GLRA1: variants seen among roughly 807,000 people sequenced by gnomAD.
GLRA1 encodes glycine receptor alpha 1, also known as glycine receptor subunit alpha-1.
A neutral mutation model predicts 48.3 loss-of-function variants in GLRA1; 37 were observed. The ratio of observed to expected loss-of-function variants is 0.77; its 90% confidence interval spans 0.59 to 1.01. The LOEUF (loss-of-function observed/expected upper bound fraction) is 1.01, where lower values mean the gene tolerates loss of function less well. Ranked by LOEUF, GLRA1 falls within the 50% of genes least tolerant of loss-of-function variation. The pLI is 0.00. For missense variants in GLRA1, 427 were observed against 571.0 expected (o/e 0.75, Z 2.57); for synonymous variants, 196 against 210.7 (o/e 0.93, Z 0.60).
Position 151,822,656 on chromosome 5 carries a change from C to T in GLRA1, c.*17G>A, listed in dbSNP as rs1279624692. 1.3e-5 allele frequency: 20 copies of T among 1,589,580 alleles called. No individual in the cohort carries two copies. The East Asian group carries it at 3.1e-4, about 25-fold the overall frequency. On this transcript the variant is annotated 3_prime_UTR_variant, in exon 9 of 9. Transcript: ENST00000274576. Reference sequence around the variant, plus strand: ...CCACGTTCCCCTCTCCCAGCCTCCCCCAACCTTTCAGACCCTTCACTGGTT... The same window carrying T: ...CCACGTTCCCCTCTCCCAGCCTCCCTCAACCTTTCAGACCCTTCACTGGTT...
At chr5:151,872,963 A>C (rs537079266) in intron 3 of GLRA1, among the ~76,000 whole-genome samples, 1 of 149,916 alleles carries the variant, frequency 6.7e-6, no homozygotes, top group Middle Eastern at 3.4e-3. Flanking sequence ...AAAGGGGACT[A>C]GTATGGTGTC....
At chr5:151,900,357 C>A (rs1427152713) in intron 1 of GLRA1, among the ~76,000 whole-genome samples, 2 of 152,210 alleles carry the variant, frequency 1.3e-5, no homozygotes, top group African/African-American at 4.8e-5. Flanking sequence ...TGTAGATGAT[C>A]AAATCTATTT....
chr5:151,863,613 T>C (rs1753258507), intron 3 of GLRA1, among the ~76,000 whole-genome samples: 1 of 152,130 alleles, frequency 6.6e-6, no homozygotes. Context: ...ATATCCTCAG[T>C]TCAAGTCCAA....
rs950004352 is a variant in GLRA1, at chr5:151,849,981, C to G, written c.912+1409G>C. ...ACAAGCTGGTGTTCTGTGAAGTTTT[C>G]GAGTACAACCGAAAGCCTGCAGTGA... On this transcript the variant is annotated intron_variant, in intron 7 of 8. Coordinates refer to ENST00000274576, the MANE Select transcript of GLRA1 (RefSeq NM_000171.4). 5.0e-5 allele frequency: 80 copies of G among 1,596,176 alleles called. No individual in the cohort carries two copies. In the East Asian group the frequency reaches 8.5e-4, roughly 17 times the overall value.
At chr5:151,922,957 G>C (rs1211311236) in intron 1 of GLRA1, among the ~76,000 whole-genome samples, 1 of 152,166 alleles carries the variant, frequency 6.6e-6, no homozygotes, top group Non-Finnish European at 1.5e-5. Flanking sequence ...TACATTTGTA[G>C]TTCTATTAAA....
At chr5:151,840,498 C>T (rs188353494) in intron 7 of GLRA1, among the ~76,000 whole-genome samples, 68 of 152,080 alleles carry the variant, frequency 4.5e-4, no homozygotes, top group African/African-American at 1.4e-3. Flanking sequence ...GTAAATTATA[C>T]GAAATCGCAT....
At chr5:151,835,046 AAAAAG>A (rs1314573813) in intron 7 of GLRA1, among the ~76,000 whole-genome samples, 14 of 150,894 alleles carry the variant, frequency 9.3e-5, no homozygotes, top group East Asian at 1.9e-4. Context: ...AAAAAAAAAA[AAAAAG>A]AGAAGAATGA....
chr5:151,910,900 G>C (rs10068443), intron 1 of GLRA1, among the ~76,000 whole-genome samples: 1 of 152,190 alleles, frequency 6.6e-6, no homozygotes, highest in Non-Finnish European at 1.5e-5. Flanking sequence ...AGAAGTTAAG[G>C]TGTGTTAGAG....
At chr5:151,863,836 A>C (rs1003998307) in intron 3 of GLRA1, among the ~76,000 whole-genome samples, 4 of 152,176 alleles carry the variant, frequency 2.6e-5, no homozygotes, top group Admixed American at 2.6e-4. Context: ...CCTACAGCTC[A>C]TGCCTCAGTC....
In GLRA1 at chr5:151,923,713, T is replaced by C. The variant is rs143693160; in HGVS notation, c.56+781A>G. Among the ~76,000 whole-genome samples the C allele has an allele frequency of 5.3e-3, 812 of 152,280 alleles. 6 individuals carry two copies. Among genetic ancestry groups the C allele is most frequent in the South Asian group, 0.029 (139 of 4,820 alleles). On this transcript the variant is annotated intron_variant, in intron 1 of 8. Coordinates refer to ENST00000274576, the MANE Select transcript of GLRA1 (RefSeq NM_000171.4). ...GACAGTGGATGGGATAACTCAGCTG[T>C]TGAGTCAAATATAAGCATAAATTTA...
intron 8 of GLRA1, among the ~76,000 whole-genome samples, chr5:151,825,880 CT>C (rs1763257634): frequency 6.6e-6 from 1 of 152,158 alleles, no homozygotes; most frequent in African/African-American, 2.4e-5. Flanking sequence ...TGCAAACTTC[CT>C]GTTAAAGAGA....
At position 151,848,969 on chromosome 5, in the gene GLRA1, A is replaced by G. The variant is rs1752759054; in HGVS notation, c.912+2421T>C. ...GTCTCAGGGTGAGAAAGTCCAGGCC[A>G]TGTATGTCTGGATCGATGGTACTGG... is the stretch of plus-strand genomic sequence containing the variant. On this transcript the variant is annotated intron_variant, in intron 7 of 8. Transcript: ENST00000274576. 5 of 713,988 alleles carry G rather than the reference A, an allele frequency of 7.0e-6. No homozygotes were observed. In the Admixed American group the frequency reaches 7.1e-5, roughly 10 times the overall value. 44.2% of individuals were successfully genotyped at this position (713,988 alleles called of 1,614,324 possible).
chr5:151,844,488 G>T (rs1357239423), intron 7 of GLRA1, among the ~76,000 whole-genome samples: 3 of 151,562 alleles, frequency 2.0e-5, no homozygotes, highest in Non-Finnish European at 4.4e-5. Flanking sequence ...CAGGCATGGT[G>T]GTGCATGCCT....
At chr5:151,862,035 A>G (rs1456707322) in intron 3 of GLRA1, among the ~76,000 whole-genome samples, 2 of 152,240 alleles carry the variant, frequency 1.3e-5, no homozygotes, top group South Asian at 2.1e-4. Flanking sequence ...AAACTATACT[A>G]TAAGACGACA....
intron 7 of GLRA1, among the ~76,000 whole-genome samples, chr5:151,845,906 A>G (rs148033388): frequency 1.1e-4 from 16 of 152,346 alleles, no homozygotes; most frequent in African/African-American, 2.9e-4. Flanking sequence ...GATGCATTCT[A>G]CAGCATGGAT....
chr5:151,822,888 C>T lies in GLRA1; in HGVS notation c.1135G>A (p.Gly379Ser), dbSNP rs755826887. The change falls in exon 9 of 9, where the codon GGC becomes AGC. Residue 379 changes from glycine to serine, a missense_variant. By Grantham distance (56) the Gly-to-Ser change is moderately conservative. Coordinates refer to ENST00000274576, the MANE Select transcript of GLRA1 (RefSeq NM_000171.4). ...MGPACLQAKD[G>S]ISVKGANNSN... ...TTGTTGGCGCCCTTGACTGAGATGC[C>T]ATCCTTGGCCTGTAGACAGGCTGGG... The T allele has an allele frequency of 6.2e-7, 1 of 1,614,004 alleles. No homozygotes were observed. Among genetic ancestry groups the T allele is most frequent in the Admixed American group, 1.7e-5 (1 of 59,994 alleles).
chr5:151,887,312 T>A (rs1753933188), intron 2 of GLRA1, among the ~76,000 whole-genome samples: 1 of 152,212 alleles, frequency 6.6e-6, no homozygotes, highest in Admixed American at 6.5e-5. Flanking sequence ...TCTGAGCAAG[T>A]CTTTTGAATC....
intron 3 of GLRA1, among the ~76,000 whole-genome samples, chr5:151,879,740 G>A (rs550593616): frequency 6.6e-6 from 1 of 152,260 alleles, no homozygotes; most frequent in East Asian, 1.9e-4. Flanking sequence ...TTTTGAATTA[G>A]TGCTGAAATG....
rs1414370816 is a variant in GLRA1, at chr5:151,886,742, A to C, written c.231T>G (p.Gly77=). ...VSCNIFINSF[G]SIAETTMDYR... is the part of the protein sequence containing the mutation. ...TCACCATGGTTGTCTCAGCAATGGA[A>C]CCAAAGCTGTTGATGAAAATGTTGC... is the stretch of plus-strand genomic sequence containing the variant. Residue 77 remains glycine, a synonymous_variant, in exon 3 of 9, where the codon GGT becomes GGG. Transcript: ENST00000274576. The C allele has an allele frequency of 6.2e-7, 1 of 1,612,280 alleles. No individual in the cohort carries two copies. Among genetic ancestry groups the C allele is most frequent in the Non-Finnish European group, 8.5e-7 (1 of 1,178,296 alleles).
Sources: allele counts gnomAD v4.1 joint callset (sites outside exome capture counted in the v4.1 genomes callset), GRCh38; gene constraint gnomAD v4.1.1; transcripts MANE v1.5; gene names NCBI Gene and HGNC (gene_info 2026-07-23, HGNC 2026-07-21).